The following DISP1 variants were observed in gnomAD, a reference collection of about 807,000 sequenced individuals.
The protein encoded by DISP1 is dispatched RND transporter family member 1.
A neutral mutation model predicts 37.3 loss-of-function variants in DISP1; 30 were observed. The observed-to-expected ratio is 0.80, with a 90% confidence interval of 0.60 to 1.09. The LOEUF (loss-of-function observed/expected upper bound fraction) is 1.09, where lower values mean the gene tolerates loss of function less well. Ranked by LOEUF, DISP1 falls within the 50% of genes least tolerant of loss-of-function variation. DISP1 has a pLI of 0.00. For missense variants in DISP1, 1,598 were observed against 1,879.5 expected (o/e 0.85, Z 2.77); for synonymous variants, 634 against 690.2 (o/e 0.92, Z 1.28).
chr1:222,875,012 A>C (rs1572399160), intron 1 of DISP1, among the ~76,000 whole-genome samples: 1 of 152,112 alleles, frequency 6.6e-6, no homozygotes, highest in African/African-American at 2.4e-5. Context: ...AGGTCAAAGG[A>C]AACTATTAGT....
chr1:222,986,582 C>A (rs1678290698), intron 4 of DISP1, among the ~76,000 whole-genome samples: 1 of 152,218 alleles, frequency 6.6e-6, no homozygotes, highest in African/African-American at 2.4e-5. Context: ...GACCAGAACG[C>A]CAGGCAGCAT....
At chr1:222,825,617 C>T (rs1664170125) in intron 1 of DISP1, among the ~76,000 whole-genome samples, 3 of 151,398 alleles carry the variant, frequency 2.0e-5, no homozygotes, top group African/African-American at 7.3e-5. Flanking sequence ...TCTCGTGCCT[C>T]AGCCTCCTGA....
chr1:222,817,644 C>T (rs1661583385), intron 1 of DISP1, among the ~76,000 whole-genome samples: 1 of 152,126 alleles, frequency 6.6e-6, no homozygotes, highest in African/African-American at 2.4e-5. Context: ...AAAGCATGGC[C>T]CTTAATGAGG....
chr1:222,966,647 C>A (rs1204658011), intron 3 of DISP1, among the ~76,000 whole-genome samples: 1 of 152,116 alleles, frequency 6.6e-6, no homozygotes, highest in Non-Finnish European at 1.5e-5. Flanking sequence ...ATGTTGATTG[C>A]CTCTGGGGAC....
At chr1:223,001,888 G>T (rs1679480701) in intron 8 of DISP1, among the ~76,000 whole-genome samples, 1 of 152,178 alleles carries the variant, frequency 6.6e-6, no homozygotes, top group Admixed American at 6.5e-5. Context: ...TAACTGTGTT[G>T]ACTGAAATAT....
chr1:222,927,534 GTTTAT>G (rs1483771098), intron 1 of DISP1, among the ~76,000 whole-genome samples: 12 of 152,098 alleles, frequency 7.9e-5, no homozygotes, highest in African/African-American at 2.7e-4. Context: ...ATCTTCAAAA[GTTTAT>G]TTTGATGAAG....
rs147596140 is a variant in DISP1 at position 222,935,459 on chromosome 1, T to C, written c.-18+6889T>C. Reference sequence around the variant, plus strand: ...CTAGCTTCACCATTTGTCATCAGTATGTGACTTTGAGCACCTTACTTAGAA... The same window carrying C: ...CTAGCTTCACCATTTGTCATCAGTACGTGACTTTGAGCACCTTACTTAGAA... On this transcript the variant is annotated intron_variant, in intron 2 of 8. Coordinates refer to ENST00000675850, the MANE Select transcript of DISP1 (RefSeq NM_001377229.1). Among the ~76,000 whole-genome samples the C allele has an allele frequency of 4.1e-3, 620 of 152,300 alleles. 12 individuals carry two copies. The highest frequency in any genetic ancestry group is 0.017 in the South Asian group (81 of 4,826).
At chr1:222,906,625 C>T (rs928523237) in intron 1 of DISP1, among the ~76,000 whole-genome samples, 1 of 152,230 alleles carries the variant, frequency 6.6e-6, no homozygotes, top group African/African-American at 2.4e-5. Flanking sequence ...CTCCCACCAG[C>T]GCCATGACAG....
At chr1:222,819,132 G>A (rs1011129132) in intron 1 of DISP1, among the ~76,000 whole-genome samples, 2 of 152,152 alleles carry the variant, frequency 1.3e-5, no homozygotes, top group Non-Finnish European at 2.9e-5. Context: ...TTGTTTAAAA[G>A]TGTGTCCCAC....
At chr1:222,925,358 G>A (rs1463881529) in intron 1 of DISP1, among the ~76,000 whole-genome samples, 2 of 152,240 alleles carry the variant, frequency 1.3e-5, no homozygotes, top group Non-Finnish European at 2.9e-5. Flanking sequence ...GAAAGGAAAA[G>A]CACAGTGAAA....
chr1:222,881,191 T>A (rs985242197), intron 1 of DISP1, among the ~76,000 whole-genome samples: 2 of 152,176 alleles, frequency 1.3e-5, no homozygotes, highest in Non-Finnish European at 2.9e-5. Flanking sequence ...TTTAGAATTT[T>A]TTTTTATTTT....
At chr1:222,908,365 T>A (rs140795421) in intron 1 of DISP1, among the ~76,000 whole-genome samples, 1 of 151,904 alleles carries the variant, frequency 6.6e-6, no homozygotes, top group Admixed American at 6.6e-5. Context: ...AAAAAATTTT[T>A]AAAAAGGGTT....
intron 1 of DISP1, among the ~76,000 whole-genome samples, chr1:222,875,426 T>C (rs1463361699): frequency 6.6e-6 from 1 of 152,138 alleles, no homozygotes; most frequent in Non-Finnish European, 1.5e-5. Flanking sequence ...CTACAAATTA[T>C]TGTGACTCTT....
intron 1 of DISP1, among the ~76,000 whole-genome samples, chr1:222,884,166 G>T (rs1572420469): frequency 6.6e-6 from 1 of 151,748 alleles, no homozygotes; most frequent in Non-Finnish European, 1.5e-5. Flanking sequence ...CCTTCACCTG[G>T]CCCAGGGATT....
At chr1:223,002,306 T>C (rs2102794161) in intron 8 of DISP1, 79 bp from the exon 9 acceptor site, 1 of 1,295,632 alleles carries the variant, frequency 7.7e-7, no homozygotes, top group East Asian at 2.3e-5. Flanking sequence ...CAAGATCACC[T>C]TAGTGCAGTC....
intron 2 of DISP1, among the ~76,000 whole-genome samples, chr1:222,939,734 G>A (rs1674238891): frequency 1.3e-5 from 2 of 152,022 alleles, no homozygotes; most frequent in African/African-American, 2.4e-5. Context: ...GGAGGCTGAG[G>A]TGGGAGAATA....
chr1:222,976,490 A>G (rs1677339152), intron 3 of DISP1, among the ~76,000 whole-genome samples: 1 of 152,066 alleles, frequency 6.6e-6, no homozygotes, highest in Admixed American at 6.6e-5. Flanking sequence ...TGTCACGTCC[A>G]TTTGTATAGA....
chr1:222,967,198 A>C (rs1331985498), intron 3 of DISP1, among the ~76,000 whole-genome samples: 2 of 152,160 alleles, frequency 1.3e-5, no homozygotes, highest in African/African-American at 4.8e-5. Context: ...TGAAGATGGC[A>C]ACATTAAGCA....
chr1:222,942,897 C>T lies in DISP1; in HGVS notation c.74C>T (p.Pro25Leu), dbSNP rs149713388. 1.5e-5 allele frequency: 24 copies of T among 1,613,994 alleles called. No individual in the cohort carries two copies. Among genetic ancestry groups the T allele is most frequent in the South Asian group, 6.6e-5 (6 of 91,080 alleles). Residue 25 changes from proline (P) to leucine (L), a missense_variant, in exon 3 of 9, where the codon CCG becomes CTG. By Grantham distance (98) the Pro-to-Leu change is moderately conservative (BLOSUM62 -3). Coordinates refer to ENST00000675850, the MANE Select transcript of DISP1 (RefSeq NM_001377229.1). Reference sequence around the variant, plus strand: ...AGCATCGCAACCAGTGCTGCTAACCCGAGTCCCCTCACCCCCTGTGATGGA... The same window carrying T: ...AGCATCGCAACCAGTGCTGCTAACCTGAGTCCCCTCACCCCCTGTGATGGA... ...NSSIATSAAN[P>L]SPLTPCDGDH...
Sources: gnomAD v4.1 joint callset for allele counts (sites outside exome capture counted in the v4.1 genomes callset) on GRCh38, gnomAD v4.1.1 for gene constraint, MANE v1.5 for transcripts, NCBI Gene and HGNC (gene_info 2026-07-23, HGNC 2026-07-21) for gene names.